The following NCKAP5 variants were observed in gnomAD, a reference collection of about 807,000 sequenced individuals.
NCKAP5 encodes the protein NCK associated protein 5, also known as nck-associated protein 5.
NCKAP5 carries 92 observed loss-of-function variants against 167.0 expected under a neutral mutation model. That is an observed-to-expected ratio of 0.55 (90% CI 0.47 to 0.66). The LOEUF (loss-of-function observed/expected upper bound fraction) is 0.66, where lower values mean the gene tolerates loss of function less well. NCKAP5 is among the 30% of genes least tolerant of loss of function. The pLI, the probability that NCKAP5 is intolerant of heterozygous loss-of-function variation, is 0.00. For synonymous variants in NCKAP5, 891 were observed against 877.4 expected, an observed-to-expected ratio of 1.02 and a Z score of -0.27; for missense variants, 2,378 against 2,315.0, an observed-to-expected ratio of 1.03 and a Z score of -0.56.
At chr2:133,109,177 G>C (rs1560889) in intron 6 of NCKAP5, among the ~76,000 whole-genome samples, 26,693 of 152,050 alleles carry the variant, frequency 0.18, 2,771 homozygotes, top group East Asian at 0.51. Flanking sequence ...GAGCATCTTG[G>C]GATAAACGTG....
At chr2:133,058,989 T>G (rs1011496798) in intron 6 of NCKAP5, among the ~76,000 whole-genome samples, 2 of 152,260 alleles carry the variant, frequency 1.3e-5, no homozygotes, top group Non-Finnish European at 2.9e-5. Flanking sequence ...GAGACAAGAC[T>G]CTCCACCAGT....
rs765338486 is a variant in NCKAP5, at chr2:132,783,676, G to A, written c.3135C>T (p.Val1045=). The A allele has an allele frequency of 6.2e-7, 1 of 1,613,848 alleles. No homozygotes were observed. Among genetic ancestry groups the A allele is most frequent in the Admixed American group, 1.7e-5 (1 of 60,018 alleles). ...GPPKVSPKRG[V]PKTSPRQTLG... is the part of the protein sequence containing the mutation. ...GTGTTTGGCGAGGAGAGGTTTTGGG[G>A]ACACCTCTCTTCGGAGAGACCTTTG... Residue 1045 remains valine (V), a synonymous_variant, in exon 14 of 20, where the codon GTC becomes GTT. Transcript: ENST00000409261.
intron 2 of NCKAP5, among the ~76,000 whole-genome samples, chr2:133,538,942 T>G (rs1488007822): frequency 5.9e-5 from 8 of 135,324 alleles, no homozygotes; most frequent in Admixed American, 2.9e-4. Flanking sequence ...TTTTTTTTTT[T>G]TTTTTTTTTT....
chr2:132,978,426 C>T (rs370073938), intron 7 of NCKAP5, among the ~76,000 whole-genome samples: 27 of 152,294 alleles, frequency 1.8e-4, no homozygotes, highest in East Asian at 5.8e-4. Context: ...GTCTGCCACT[C>T]GTAGGTGGTA....
At chr2:133,080,495 CGTTGCTT>C (rs1439701333) in intron 6 of NCKAP5, among the ~76,000 whole-genome samples, 1 of 152,136 alleles carries the variant, frequency 6.6e-6, no homozygotes, top group Non-Finnish European at 1.5e-5. Context: ...ACAGCCAACC[CGTTGCTT>C]ACATGTTGTC....
intron 4 of NCKAP5, among the ~76,000 whole-genome samples, chr2:133,217,039 G>A (rs879861140): frequency 1.8e-4 from 27 of 152,100 alleles, no homozygotes; most frequent in African/African-American, 5.3e-4. Context: ...TTCACCAACC[G>A]AAGATTCAGC....
chr2:133,595,648 T>G, the NCKAP5 span, among the ~76,000 whole-genome samples: 1 of 151,912 alleles, frequency 6.6e-6, no homozygotes, highest in Non-Finnish European at 1.5e-5. Context: ...CAGAAGGACT[T>G]GTTCAGGTTT....
intron 5 of NCKAP5, among the ~76,000 whole-genome samples, chr2:133,176,406 C>CT (rs1247544507): frequency 9.9e-4 from 147 of 148,404 alleles, no homozygotes; most frequent in African/African-American, 2.0e-3. Flanking sequence ...GATGGAACCA[C>CT]TTTTTTTTTT....
chr2:133,511,333 C>A (rs1683472911), intron 3 of NCKAP5, among the ~76,000 whole-genome samples: 1 of 152,208 alleles, frequency 6.6e-6, no homozygotes. Flanking sequence ...TCCCCTGCCT[C>A]CTCCTAGCTC....
chr2:132,687,279 T>G (rs185296632), intron 19 of NCKAP5, among the ~76,000 whole-genome samples: 1 of 152,258 alleles, frequency 6.6e-6, no homozygotes, highest in Non-Finnish European at 1.5e-5. Context: ...GCCTGTGCAA[T>G]TGTATTGCAC....
chr2:133,065,430 T>G (rs2080158909), intron 6 of NCKAP5, among the ~76,000 whole-genome samples: 1 of 152,020 alleles, frequency 6.6e-6, no homozygotes, highest in African/African-American at 2.4e-5. Context: ...ATCAAGACCA[T>G]CCTGGCCAAC....
At chr2:133,093,767 G>C (rs903897234) in intron 6 of NCKAP5, among the ~76,000 whole-genome samples, 1 of 152,200 alleles carries the variant, frequency 6.6e-6, no homozygotes, top group African/African-American at 2.4e-5. Flanking sequence ...CTATTTGATA[G>C]AGGAGAAGGG....
chr2:133,076,511 T>C (rs1033923596), intron 6 of NCKAP5, among the ~76,000 whole-genome samples: 25 of 152,226 alleles, frequency 1.6e-4, no homozygotes, highest in African/African-American at 5.3e-4. Context: ...AGTTCAATAT[T>C]GCAATTCCAT....
At chr2:132,794,263 T>TATATATAGAGAGAGAGAG in intron 12 of NCKAP5, among the ~76,000 whole-genome samples, 1 of 11,890 alleles carries the variant, frequency 8.4e-5, no homozygotes, top group Non-Finnish European at 1.7e-4. Context: ...TATATATATA[T>TATATATAGAGAGAGAGAG]AGAGAGAGAG....
chr2:133,371,440 T>C (rs538491151), intron 3 of NCKAP5, among the ~76,000 whole-genome samples: 1 of 152,158 alleles, frequency 6.6e-6, no homozygotes, highest in Non-Finnish European at 1.5e-5. Context: ...TGCTCCTTAA[T>C]GCCATGTGAA....
intron 8 of NCKAP5, among the ~76,000 whole-genome samples, chr2:132,950,376 GATT>G (rs1425011665): frequency 2.0e-4 from 31 of 152,060 alleles, no homozygotes; most frequent in African/African-American, 7.0e-4. Flanking sequence ...TTCAATATAT[GATT>G]ATTAAATCTA....
intron 6 of NCKAP5, among the ~76,000 whole-genome samples, chr2:133,099,102 T>C (rs961776363): frequency 1.3e-5 from 2 of 152,180 alleles, no homozygotes; most frequent in Non-Finnish European, 2.9e-5. Flanking sequence ...AGTTTCTAAG[T>C]ACCGTATTGG....
the NCKAP5 span, among the ~76,000 whole-genome samples, chr2:133,582,167 G>C: frequency 3.9e-5 from 6 of 152,160 alleles, no homozygotes; most frequent in Non-Finnish European, 8.8e-5. Flanking sequence ...ATAGACCAGT[G>C]GTTTTTAAAG....
chr2:133,211,627 G>A (rs2086215009), intron 5 of NCKAP5, among the ~76,000 whole-genome samples: 1 of 152,108 alleles, frequency 6.6e-6, no homozygotes, highest in Non-Finnish European at 1.5e-5. Flanking sequence ...CCAATCACTA[G>A]ACTGTAAGCT....
Sources: gnomAD v4.1 joint callset for allele counts (sites outside exome capture counted in the v4.1 genomes callset) on GRCh38, gnomAD v4.1.1 for gene constraint, MANE v1.5 for transcripts, NCBI Gene and HGNC (gene_info 2026-07-23, HGNC 2026-07-21) for gene names.